Variants in DCC observed in about 807,000 individuals in gnomAD.
The protein encoded by DCC is netrin receptor DCC.
Under a neutral mutation model 172.5 loss-of-function variants are expected in DCC, and 58 were observed. The ratio of observed to expected loss-of-function variants is 0.34; its 90% CI spans 0.27 to 0.42. The LOEUF (loss-of-function observed/expected upper bound fraction) is 0.42. Ranked by LOEUF, DCC falls within the 10% of genes least tolerant of loss-of-function variation. The pLI is 1.00. For synonymous variants in DCC, 709 were observed against 644.5 expected, an observed-to-expected ratio of 1.10 and a Z score of -1.52; for missense variants, 1,740 against 1,791.0, an observed-to-expected ratio of 0.97 and a Z score of 0.51.
intron 3 of DCC, among the ~76,000 whole-genome samples, chr18:52,912,787 A>G (rs114077674): frequency 6.6e-6 from 1 of 152,022 alleles, no homozygotes; most frequent in East Asian, 1.9e-4. Flanking sequence ...TCTTTTCACT[A>G]TAAAGGATCT....
chr18:53,110,362 A>G (rs940845673), intron 7 of DCC, among the ~76,000 whole-genome samples: 5 of 151,832 alleles, frequency 3.3e-5, no homozygotes, highest in African/African-American at 1.2e-4. Context: ...GTTCCATATC[A>G]TAGAAGTAGA....
Position 53,303,614 on chromosome 18 carries a change from CTGTT to C in DCC, c.1912-1961_1912-1958del, listed in dbSNP as rs572747591. ...GATATGTGACACCGGTGTGGCCTGT[CTGTT>C]TGGCTGCTGCACCCTCAAACCCCTT... On this transcript the variant is annotated intron_variant, in intron 12 of 28. Coordinates refer to ENST00000442544, the MANE Select transcript of DCC (RefSeq NM_005215.4). 1.2e-4 allele frequency among the ~76,000 whole-genome samples: 19 copies of C among 152,282 alleles called. No homozygotes were observed. The South Asian group carries it at 3.5e-3, about 28-fold the overall frequency.
chr18:53,342,279 G>T (rs1431242718), intron 15 of DCC, among the ~76,000 whole-genome samples: 1 of 151,880 alleles, frequency 6.6e-6, no homozygotes, highest in African/African-American at 2.4e-5. Flanking sequence ...CAAACAACTT[G>T]CCTGCTATAG....
chr18:53,280,958 A>G (rs755955860), intron 12 of DCC, among the ~76,000 whole-genome samples: 1 of 152,234 alleles, frequency 6.6e-6, no homozygotes, highest in Middle Eastern at 3.4e-3. Context: ...GTATTTATAT[A>G]GAGAAAAAGT....
At chr18:52,519,789 A>G (rs1269846276) in intron 1 of DCC, among the ~76,000 whole-genome samples, 1 of 152,204 alleles carries the variant, frequency 6.6e-6, no homozygotes, top group Non-Finnish European at 1.5e-5. Flanking sequence ...TGCCATTGCA[A>G]TTGAAAGCTG....
At chr18:53,211,940 C>T (rs1411495642) in intron 11 of DCC, among the ~76,000 whole-genome samples, 6 of 151,882 alleles carry the variant, frequency 4.0e-5, no homozygotes, top group Non-Finnish European at 7.4e-5. Flanking sequence ...CCCAGCTACT[C>T]GGAAGGCTGA....
intron 2 of DCC, among the ~76,000 whole-genome samples, chr18:52,886,788 C>CT (rs2039577086): frequency 6.6e-6 from 1 of 151,952 alleles, no homozygotes; most frequent in African/African-American, 2.4e-5. Context: ...TCTGATGGTG[C>CT]TTTTTGGTGC....
chr18:52,856,649 CAAAAT>C (rs2039061076), intron 2 of DCC, among the ~76,000 whole-genome samples: 1 of 105,632 alleles, frequency 9.5e-6, no homozygotes, highest in Non-Finnish European at 2.0e-5. Flanking sequence ...AAAAAGAAAA[CAAAAT>C]GGCAATATAT....
intron 26 of DCC, among the ~76,000 whole-genome samples, chr18:53,498,270 C>T (rs1340083435): frequency 6.6e-6 from 1 of 152,204 alleles, no homozygotes; most frequent in African/African-American, 2.4e-5. Context: ...AAAATTATCT[C>T]ACTAATTATC....
intron 27 of DCC, 32 bp downstream of exon 27, chr18:53,499,542 CTTAT>C: frequency 6.4e-7 from 1 of 1,556,044 alleles, no homozygotes; most frequent in Non-Finnish European, 8.9e-7. Flanking sequence ...CTTTAAAATT[CTTAT>C]TATTATTGGT....
chr18:52,801,886 T>C (rs2037994582), intron 2 of DCC, among the ~76,000 whole-genome samples: 1 of 152,188 alleles, frequency 6.6e-6, no homozygotes, highest in Admixed American at 6.5e-5. Context: ...TTTTTCTCTA[T>C]GTGCTTGTCT....
intron 1 of DCC, among the ~76,000 whole-genome samples, chr18:52,732,623 T>C (rs1224078383): frequency 6.6e-6 from 1 of 152,166 alleles, no homozygotes; most frequent in Non-Finnish European, 1.5e-5. Flanking sequence ...AATGGCCCTT[T>C]GCAGAAGAAA....
chr18:53,422,384 C>T (rs11872526), intron 21 of DCC, among the ~76,000 whole-genome samples: 65,383 of 151,772 alleles, frequency 0.43, 15,850 homozygotes, highest in Non-Finnish European at 0.55. Context: ...CAGAGATTCA[C>T]CTCTATGTAT....
At chr18:52,347,395 C>A (rs1161038021) in intron 1 of DCC, among the ~76,000 whole-genome samples, 1 of 152,104 alleles carries the variant, frequency 6.6e-6, no homozygotes, top group Admixed American at 6.5e-5. Context: ...TACAATACAT[C>A]ACTATGACTT....
At chr18:53,191,711 A>G (rs2055368596) in intron 9 of DCC, among the ~76,000 whole-genome samples, 1 of 152,222 alleles carries the variant, frequency 6.6e-6, no homozygotes, top group Non-Finnish European at 1.5e-5. Flanking sequence ...TGTTTCTAAA[A>G]GTTATCTAAA....
At chr18:52,985,636 T>C (rs1321237811) in intron 5 of DCC, among the ~76,000 whole-genome samples, 2 of 152,124 alleles carry the variant, frequency 1.3e-5, no homozygotes, top group African/African-American at 4.8e-5. Flanking sequence ...ATTTTTTTCT[T>C]TTACTTTTTT....
At chr18:52,735,745 C>T (rs1007279552) in intron 1 of DCC, among the ~76,000 whole-genome samples, 2 of 152,016 alleles carry the variant, frequency 1.3e-5, no homozygotes, top group Non-Finnish European at 2.9e-5. Flanking sequence ...TAGATGGTGC[C>T]CAGCCAGATT....
chr18:52,342,415 TCCC>T (rs1426933141), intron 1 of DCC, among the ~76,000 whole-genome samples: 1 of 132,832 alleles, frequency 7.5e-6, no homozygotes, highest in African/African-American at 2.9e-5. Flanking sequence ...GGCTCTTCTC[TCCC>T]GGAGCTTTGT....
At position 53,476,095 on chromosome 18, in the gene DCC, C is replaced by A. The variant is rs113085997; in HGVS notation, c.3736+8085C>A. Among the ~76,000 whole-genome samples, 152 of 152,220 alleles carry A rather than the reference C, an allele frequency of 1.0e-3. 1 individual carries two copies. The highest frequency in any genetic ancestry group is 2.2e-4 in the Non-Finnish European group (15 of 68,016). ...TTTGGTTAATTTATCCCATTTGGAA[C>A]GGCTGTATTTACCAAATGCCTGTAA... On this transcript the variant is annotated intron_variant, in intron 25 of 28. Transcript: ENST00000442544.
Sources: allele counts gnomAD v4.1 joint callset (sites outside exome capture counted in the v4.1 genomes callset), GRCh38; gene constraint gnomAD v4.1.1; transcripts MANE v1.5; gene names NCBI Gene and HGNC (gene_info 2026-07-23, HGNC 2026-07-21).